Variants in KCNH1 observed in about 807,000 individuals in gnomAD.
KCNH1 encodes the protein voltage-gated delayed rectifier potassium channel KCNH1.
KCNH1 carries 27 observed loss-of-function variants against 69.2 expected under a neutral mutation model. The ratio of observed to expected loss-of-function variants is 0.39; its 90% CI spans 0.29 to 0.54. The LOEUF (loss-of-function observed/expected upper bound fraction) is 0.54, where lower values mean the gene tolerates loss of function less well. Among genes scored for constraint, KCNH1 ranks in the 20% least tolerant of loss-of-function variants. The probability of loss-of-function intolerance (pLI) is 0.68; values close to 1 mark genes in which losing one functional copy is unlikely to be tolerated. For missense variants in KCNH1, 798 were observed against 1,261.6 expected (o/e 0.63, Z 5.57); for synonymous variants, 456 against 487.7 (o/e 0.93, Z 0.86).
At chr1:210,859,058 C>A in intron 7 of KCNH1, 2 of 485,908 alleles carry the variant, frequency 4.1e-6, no homozygotes, top group Non-Finnish European at 7.4e-6. Flanking sequence ...GATTTTTTTT[C>A]TGTCCATCTA....
chr1:210,984,726 G>T (rs894135543), intron 6 of KCNH1, among the ~76,000 whole-genome samples: 2 of 147,060 alleles, frequency 1.4e-5, no homozygotes, highest in Non-Finnish European at 3.0e-5. Flanking sequence ...GTTCCTCAGG[G>T]ATATTGGTCT....
chr1:210,861,094 C>A, intron 7 of KCNH1: 1 of 892,460 alleles, frequency 1.1e-6, no homozygotes, highest in Non-Finnish European at 1.9e-6. Flanking sequence ...TAAACAAAAG[C>A]TTCTGGGCAG....
intron 10 of KCNH1, 84 bp downstream of exon 10, chr1:210,775,264 C>A (rs1052165355): frequency 9.3e-6 from 11 of 1,181,320 alleles, no homozygotes; most frequent in Non-Finnish European, 1.3e-5. Flanking sequence ...AAATAAACAG[C>A]AAAGGGACTT....
chr1:211,045,444 T>A (rs1690081140), intron 5 of KCNH1, among the ~76,000 whole-genome samples: 1 of 151,930 alleles, frequency 6.6e-6, no homozygotes, highest in Non-Finnish European at 1.5e-5. Flanking sequence ...AAAAAAAGAA[T>A]TAGCTGAAGA....
At chr1:210,959,256 G>C (rs1688249281) in intron 6 of KCNH1, among the ~76,000 whole-genome samples, 1 of 152,168 alleles carries the variant, frequency 6.6e-6, no homozygotes, top group Non-Finnish European at 1.5e-5. Flanking sequence ...CTGCAGAACA[G>C]CAAATATTGC....
chr1:211,070,428 A>AC (rs1289542011), intron 5 of KCNH1, among the ~76,000 whole-genome samples: 2,123 of 114,162 alleles, frequency 0.019, 54 homozygotes, highest in African/African-American at 0.057. Context: ...TAAAAAAAAA[A>AC]AAACACACAC....
At chr1:210,992,620 A>G (rs1182600585) in intron 6 of KCNH1, among the ~76,000 whole-genome samples, 2 of 152,188 alleles carry the variant, frequency 1.3e-5, no homozygotes, top group African/African-American at 2.4e-5. Flanking sequence ...GGGGTTCTAT[A>G]AAACATTTTA....
At chr1:210,898,252 C>T (rs1179040783) in intron 7 of KCNH1, among the ~76,000 whole-genome samples, 1 of 152,088 alleles carries the variant, frequency 6.6e-6, no homozygotes, top group Non-Finnish European at 1.5e-5. Flanking sequence ...GACTATATTG[C>T]CTTATACAAA....
In KCNH1 at chr1:211,103,480, T is replaced by C. The variant is rs762812971; in HGVS notation, c.310+16A>G. On this transcript the variant is annotated intron_variant, in intron 3 of 10. Transcript: ENST00000271751. ...AAACACATAAAGGTATGGTTCAGAATGGTCTCAATACTCACTGTTCTTCTT... is the reference window on the plus strand; with the variant it reads ...AAACACATAAAGGTATGGTTCAGAACGGTCTCAATACTCACTGTTCTTCTT... The C allele has an allele frequency of 2.7e-6, 4 of 1,475,390 alleles. No homozygotes were observed. The highest frequency in any genetic ancestry group is 1.2e-5 in the South Asian group (1 of 86,298). 91.4% of individuals were successfully genotyped at this position (1,475,390 alleles called of 1,614,324 possible).
At chr1:211,000,293 C>T (rs952225223) in intron 6 of KCNH1, among the ~76,000 whole-genome samples, 8 of 152,188 alleles carry the variant, frequency 5.3e-5, no homozygotes, top group Non-Finnish European at 8.8e-5. Context: ...TCTCCTTAAG[C>T]TGATAAGCAA....
rs1558477723 is a variant in KCNH1, at chr1:210,806,819, A to AT, written c.1463-2654_1463-2653insA. ...ACCCCATCTCTACCAAAAAAAAAAA[A>AT]AAAAAAAAAAAAAAAAAATATATAT... On this transcript the variant is annotated intron_variant, in intron 7 of 10. Transcript: ENST00000271751. Among the ~76,000 whole-genome samples the AT allele has an allele frequency of 1.9e-3, 57 of 29,744 alleles. 3 individuals are homozygous for AT. Among genetic ancestry groups the AT allele is most frequent in the South Asian group, 0.018 (9 of 504 alleles). The allele number at this position is 29,744 out of a possible 152,430, so 19.5% of individuals were successfully genotyped here.
intron 7 of KCNH1, among the ~76,000 whole-genome samples, chr1:210,832,903 A>AATATATATATATATATATATATATATAT (rs1182447741): frequency 2.0e-4 from 8 of 39,032 alleles, no homozygotes; most frequent in Non-Finnish European, 4.9e-4. Context: ...GCATTTCTCA[A>AATATATATATATATATATATATATATAT]ATACATATAT....
At chr1:210,736,549 CA>C (rs935715037) in intron 10 of KCNH1, among the ~76,000 whole-genome samples, 9 of 151,552 alleles carry the variant, frequency 5.9e-5, no homozygotes, top group African/African-American at 1.7e-4. Flanking sequence ...ATCCCCCCTC[CA>C]AAAAAAAATT....
intron 3 of KCNH1, among the ~76,000 whole-genome samples, chr1:211,094,337 T>G (rs1405478241): frequency 6.6e-6 from 1 of 152,288 alleles, no homozygotes; most frequent in East Asian, 1.9e-4. Context: ...CACCTCCTGC[T>G]ATGTGGCCCA....
At chr1:210,966,451 T>C (rs1413663892) in intron 6 of KCNH1, among the ~76,000 whole-genome samples, 2 of 152,176 alleles carry the variant, frequency 1.3e-5, no homozygotes, top group African/African-American at 4.8e-5. Context: ...AGAGGCAACC[T>C]ACAGAATGGG....
intron 10 of KCNH1, among the ~76,000 whole-genome samples, chr1:210,721,452 CTT>C (rs1682454733): frequency 6.6e-6 from 1 of 152,130 alleles, no homozygotes; most frequent in Admixed American, 6.6e-5. Context: ...AATGTATTTT[CTT>C]TTGAGGTATT....
intron 10 of KCNH1, among the ~76,000 whole-genome samples, chr1:210,716,808 T>A (rs1682265639): frequency 6.6e-6 from 1 of 152,024 alleles, no homozygotes; most frequent in Non-Finnish European, 1.5e-5. Flanking sequence ...CTGCAAAGAG[T>A]AGGTGCTGGG....
rs897413338 is a variant in KCNH1 at position 210,788,797 on chromosome 1, C to T, written c.1915+8711G>A. ...CTGCAAGCTCCGCCTCCCGGGTTCA[C>T]GCCATTCTCCTGCCTCAGCCTCCCA... is the stretch of plus-strand genomic sequence containing the variant. On this transcript the variant is annotated intron_variant, in intron 9 of 10. Transcript: ENST00000271751. Among the ~76,000 whole-genome samples, 9 of 144,434 alleles carry T rather than the reference C, an allele frequency of 6.2e-5. No individual in the cohort carries two copies. The Middle Eastern group carries it at 0.014, about 228-fold the overall frequency. 94.8% of individuals were successfully genotyped at this position (144,434 alleles called of 152,430 possible). A position where few individuals can be genotyped will look rare whatever the true frequency, so the allele number is the denominator to read the frequency against.
At chr1:211,095,258 G>T (rs1691127335) in intron 3 of KCNH1, among the ~76,000 whole-genome samples, 1 of 152,150 alleles carries the variant, frequency 6.6e-6, no homozygotes, top group African/African-American at 2.4e-5. Context: ...ATGTCCTACT[G>T]CAAAAAGGAC....
Sources: gnomAD v4.1 joint callset for allele counts (sites outside exome capture counted in the v4.1 genomes callset) on GRCh38, gnomAD v4.1.1 for gene constraint, MANE v1.5 for transcripts, NCBI Gene and HGNC (gene_info 2026-07-23, HGNC 2026-07-21) for gene names.